The following ERBB4 variants were observed in gnomAD, a reference collection of about 807,000 sequenced individuals.
ERBB4 encodes the protein erb-b2 receptor tyrosine kinase 4.
ERBB4 carries 42 observed loss-of-function variants against 158.0 expected under a neutral mutation model. The ratio of observed to expected loss-of-function variants is 0.27; its 90% confidence interval spans 0.21 to 0.34. ERBB4 has a LOEUF of 0.34. Among genes scored for constraint, ERBB4 ranks in the 10% least tolerant of loss-of-function variants. The probability of loss-of-function intolerance (pLI) is 1.00; values close to 1 mark genes in which losing one functional copy is unlikely to be tolerated. For synonymous variants in ERBB4, 583 were observed against 558.7 expected, an observed-to-expected ratio of 1.04 and a Z score of -0.61; for missense variants, 1,333 against 1,624.1, an observed-to-expected ratio of 0.82 and a Z score of 3.08.
chr2:211,915,650 C>A (rs1443330814), intron 3 of ERBB4, among the ~76,000 whole-genome samples: 1 of 151,762 alleles, frequency 6.6e-6, no homozygotes, highest in African/African-American at 2.4e-5. Context: ...AACAAGGAGT[C>A]TGGGCAGGCC....
At chr2:211,977,355 G>A (rs2081638636) in intron 2 of ERBB4, among the ~76,000 whole-genome samples, 1 of 152,010 alleles carries the variant, frequency 6.6e-6, no homozygotes, top group African/African-American at 2.4e-5. Flanking sequence ...GTAGTCTTGT[G>A]TATTACATAT....
chr2:211,725,706 A>C (rs970564966), intron 5 of ERBB4, among the ~76,000 whole-genome samples: 4 of 152,206 alleles, frequency 2.6e-5, no homozygotes, highest in Non-Finnish European at 4.4e-5. Flanking sequence ...CACAATGTGC[A>C]TAGTAAGGTC....
rs938947212 is a variant in ERBB4, at chr2:212,441,992, G to A, written c.82+96457C>T. Among the ~76,000 whole-genome samples the A allele has an allele frequency of 7.9e-5, 12 of 152,204 alleles. No individual in the cohort carries two copies. The East Asian group carries it at 9.6e-4, about 12-fold the overall frequency. ...TCTTCTCTGTATGTCAGATCTAAGA[G>A]TGGGAACCACAGTCACTCAACTACA... On this transcript the variant is annotated intron_variant, in intron 1 of 27. Transcript: ENST00000342788.
At position 211,405,431 on chromosome 2, in the gene ERBB4, C is replaced by G. The variant is rs527238410; in HGVS notation, c.3135+15010G>C. Among the ~76,000 whole-genome samples the G allele has an allele frequency of 2.0e-5, 3 of 152,248 alleles. 1 individual carries two copies. The South Asian group carries it at 6.2e-4, about 32-fold the overall frequency. ...TTCTTCTTGCCTAAGATAAACTTTT[C>G]TACAAATGTGTTGGACATACCTTCC... On this transcript the variant is annotated intron_variant, in intron 25 of 27. Transcript: ENST00000342788.
chr2:211,712,244 TC>T (rs1161347490), intron 8 of ERBB4, 68 bp from the exon 9 acceptor site: 2 of 1,461,976 alleles, frequency 1.4e-6, no homozygotes, highest in African/African-American at 2.8e-5. Flanking sequence ...CATTGCATCT[TC>T]ATTATAAAAT....
chr2:211,693,744 T>C (rs900097663), intron 12 of ERBB4, among the ~76,000 whole-genome samples: 1 of 152,212 alleles, frequency 6.6e-6, no homozygotes, highest in Non-Finnish European at 1.5e-5. Flanking sequence ...TGCCATAAAC[T>C]AGGCTTCTTA....
chr2:211,674,660 G>T (rs1190377219), intron 13 of ERBB4, among the ~76,000 whole-genome samples: 1 of 152,116 alleles, frequency 6.6e-6, no homozygotes, highest in Non-Finnish European at 1.5e-5. Context: ...AGCATACAAA[G>T]TACTCAACAA....
At chr2:211,642,261 C>T (rs1373287210) in intron 16 of ERBB4, among the ~76,000 whole-genome samples, 1 of 152,062 alleles carries the variant, frequency 6.6e-6, no homozygotes, top group Non-Finnish European at 1.5e-5. Context: ...GGTTTTCTTG[C>T]TGCCAAATCA....
intron 1 of ERBB4, among the ~76,000 whole-genome samples, chr2:212,346,364 C>T (rs2089000766): frequency 6.6e-6 from 1 of 151,950 alleles, no homozygotes; most frequent in Non-Finnish European, 1.5e-5. Flanking sequence ...AACATATTCT[C>T]TTAAAGCCAA....
intron 19 of ERBB4, among the ~76,000 whole-genome samples, chr2:211,590,134 G>T (rs1035555199): frequency 6.6e-6 from 1 of 152,050 alleles, no homozygotes; most frequent in South Asian, 2.1e-4. Flanking sequence ...ATATCCATAG[G>T]GATGAAACGC....
At chr2:212,291,059 C>T (rs191298931) in intron 1 of ERBB4, among the ~76,000 whole-genome samples, 2 of 152,030 alleles carry the variant, frequency 1.3e-5, no homozygotes, top group African/African-American at 4.8e-5. Context: ...TGGCCTCTAC[C>T]AACACACATT....
At chr2:212,106,881 G>A (rs1227491131) in intron 2 of ERBB4, among the ~76,000 whole-genome samples, 3 of 152,364 alleles carry the variant, frequency 2.0e-5, no homozygotes, top group East Asian at 1.9e-4. Context: ...CATCCACATG[G>A]TGTTGACCCT....
intron 2 of ERBB4, among the ~76,000 whole-genome samples, chr2:212,060,218 AT>A (rs2077716763): frequency 1.3e-5 from 2 of 152,200 alleles, no homozygotes; most frequent in African/African-American, 4.8e-5. Flanking sequence ...AATGCTCATC[AT>A]GACTGGCCAT....
At chr2:211,748,485 C>T (rs2075037133) in intron 5 of ERBB4, among the ~76,000 whole-genome samples, 1 of 152,112 alleles carries the variant, frequency 6.6e-6, no homozygotes, top group South Asian at 2.1e-4. Context: ...AACACAACAG[C>T]AGGGTGTCTT....
intron 20 of ERBB4, among the ~76,000 whole-genome samples, chr2:211,465,141 C>A (rs2064646523): frequency 6.6e-6 from 1 of 152,016 alleles, no homozygotes. Flanking sequence ...GCCACCACAC[C>A]CAGCGAGCTT....
chr2:211,546,631 T>C (rs1421934907), intron 20 of ERBB4, among the ~76,000 whole-genome samples: 1 of 152,108 alleles, frequency 6.6e-6, no homozygotes, highest in East Asian at 1.9e-4. Flanking sequence ...ATGTTCCCAC[T>C]AGGTAAGTAT....
Position 211,379,714 on chromosome 2 carries a change from A to G in ERBB4, c.*3901T>C. The G allele has an allele frequency of 4.3e-6, 1 of 231,948 alleles. No individual in the cohort carries two copies. Among genetic ancestry groups the G allele is most frequent in the South Asian group, 1.8e-4 (1 of 5,524 alleles). The allele number at this position is 231,948 out of a possible 1,614,324, so 14.4% of individuals were successfully genotyped here. On this transcript the variant is annotated 3_prime_UTR_variant, in exon 28 of 28. Coordinates refer to ENST00000342788, the MANE Select transcript of ERBB4 (RefSeq NM_005235.3). ...CAGTTATATACATGCTTTCATGATC[A>G]CCTTTTCTATTACCTTATGAACTAC... is the stretch of plus-strand genomic sequence containing the variant.
intron 25 of ERBB4, among the ~76,000 whole-genome samples, chr2:211,410,175 T>C (rs1201151467): frequency 1.3e-5 from 2 of 152,228 alleles, no homozygotes; most frequent in African/African-American, 4.8e-5. Context: ...GCCTGGTGTC[T>C]GCATGTCAAT....
chr2:211,577,282 G>A (rs974526287), intron 19 of ERBB4, among the ~76,000 whole-genome samples: 9 of 152,128 alleles, frequency 5.9e-5, no homozygotes, highest in African/African-American at 2.2e-4. Flanking sequence ...GAAAAGGCAG[G>A]TTGGTACTAG....
Sources: gnomAD v4.1 joint callset for allele counts (sites outside exome capture counted in the v4.1 genomes callset) on GRCh38, gnomAD v4.1.1 for gene constraint, MANE v1.5 for transcripts, NCBI Gene and HGNC (gene_info 2026-07-23, HGNC 2026-07-21) for gene names.